Variants in CDK14 observed in about 807,000 individuals in gnomAD.
CDK14 encodes cyclin-dependent kinase 14.
A neutral mutation model predicts 60.7 loss-of-function variants in CDK14; 34 were observed. That is an observed-to-expected ratio of 0.56 (90% CI 0.43 to 0.75). The LOEUF is 0.75. CDK14 is among the 30% of genes least tolerant of loss of function. The pLI is 0.00. For synonymous variants in CDK14, 197 were observed against 203.7 expected, an observed-to-expected ratio of 0.97 and a Z score of 0.28; for missense variants, 482 against 564.1, an observed-to-expected ratio of 0.85 and a Z score of 1.47.
intron 14 of CDK14, among the ~76,000 whole-genome samples, chr7:91,134,574 A>G (rs1273208959): frequency 2.6e-5 from 4 of 152,178 alleles, no homozygotes; most frequent in South Asian, 2.1e-4. Context: ...GAAAATTTCT[A>G]TTAAGAAAAT....
intron 14 of CDK14, among the ~76,000 whole-genome samples, chr7:91,163,259 A>G (rs1030512448): frequency 6.6e-6 from 1 of 152,194 alleles, no homozygotes; most frequent in Non-Finnish European, 1.5e-5. Context: ...ATTCTGTGCT[A>G]TTCATGTCTA....
chr7:91,187,876 T>C (rs757665948), intron 14 of CDK14, among the ~76,000 whole-genome samples: 1 of 151,510 alleles, frequency 6.6e-6, no homozygotes, highest in Non-Finnish European at 1.5e-5. Context: ...TTGCCTGGCC[T>C]GCGCCATACT....
chr7:91,117,150 C>G (rs963582266), intron 13 of CDK14, among the ~76,000 whole-genome samples: 2 of 149,446 alleles, frequency 1.3e-5, no homozygotes, highest in African/African-American at 5.0e-5. Context: ...CTTGCGCCTT[C>G]TCTAGTCTTA....
At chr7:91,052,424 G>A (rs905438249) in intron 11 of CDK14, among the ~76,000 whole-genome samples, 80 of 152,264 alleles carry the variant, frequency 5.3e-4, no homozygotes, top group African/African-American at 1.9e-3. Flanking sequence ...CTGACAATTA[G>A]ACTATTTTAA....
chr7:91,125,017 T>C (rs548879049), intron 14 of CDK14, among the ~76,000 whole-genome samples: 2 of 152,204 alleles, frequency 1.3e-5, no homozygotes, highest in Non-Finnish European at 2.9e-5. Flanking sequence ...GCTGATACTC[T>C]AAGAAGTGTC....
intron 2 of CDK14, among the ~76,000 whole-genome samples, chr7:90,717,602 G>A (rs1028493012): frequency 2.0e-5 from 3 of 152,076 alleles, no homozygotes; most frequent in African/African-American, 7.2e-5. Flanking sequence ...AAACTAAATC[G>A]CAATGTTAGA....
At chr7:90,886,897 A>G (rs1433444128) in intron 6 of CDK14, among the ~76,000 whole-genome samples, 1 of 152,150 alleles carries the variant, frequency 6.6e-6, no homozygotes, top group African/African-American at 2.4e-5. Flanking sequence ...TTATCCATGG[A>G]TTGAGCAAAG....
At chr7:90,971,392 C>T (rs989572659) in intron 9 of CDK14, among the ~76,000 whole-genome samples, 5 of 152,040 alleles carry the variant, frequency 3.3e-5, no homozygotes, top group South Asian at 2.1e-4. Flanking sequence ...AGGCTTCACC[C>T]GGTGGTAATT....
chr7:90,843,778 A>G (rs916359660), intron 5 of CDK14, among the ~76,000 whole-genome samples: 1 of 152,200 alleles, frequency 6.6e-6, no homozygotes, highest in Admixed American at 6.5e-5. Context: ...AAATGCTTGT[A>G]AAGGCATGCT....
At chr7:91,171,305 G>A (rs532681110) in intron 14 of CDK14, among the ~76,000 whole-genome samples, 47 of 151,884 alleles carry the variant, frequency 3.1e-4, no homozygotes, top group Non-Finnish European at 4.7e-4. Context: ...AGCCGAGATC[G>A]CGCCACTGCA....
intron 14 of CDK14, among the ~76,000 whole-genome samples, chr7:91,178,964 A>AC (rs1801885866): frequency 6.6e-6 from 1 of 152,290 alleles, no homozygotes; most frequent in East Asian, 1.9e-4. Flanking sequence ...CTGGGTATAT[A>AC]CCAAAGGACT....
In CDK14 at chr7:90,950,638, G is replaced by C. The variant is rs557037824; in HGVS notation, c.827-5059G>C. Among the ~76,000 whole-genome samples the C allele has an allele frequency of 7.9e-5, 12 of 152,330 alleles. No individual in the cohort carries two copies. The South Asian group carries it at 2.5e-3, about 32-fold the overall frequency. Reference sequence around the variant, plus strand: ...GTGTAGCAGTCAGCTGGAGACGCTAGAGGATGTAGTACTGGTTAGAAAATT... The same window carrying C: ...GTGTAGCAGTCAGCTGGAGACGCTACAGGATGTAGTACTGGTTAGAAAATT... On this transcript the variant is annotated intron_variant, in intron 8 of 14. Transcript: ENST00000380050.
At chr7:91,158,206 A>G (rs529732702) in intron 14 of CDK14, among the ~76,000 whole-genome samples, 4 of 148,966 alleles carry the variant, frequency 2.7e-5, no homozygotes, top group South Asian at 4.2e-4. Flanking sequence ...AATATATTAT[A>G]TGTTTGGCAA....
intron 13 of CDK14, among the ~76,000 whole-genome samples, chr7:91,114,372 A>G (rs1799550588): frequency 6.6e-6 from 1 of 152,224 alleles, no homozygotes; most frequent in South Asian, 2.1e-4. Context: ...GCAGACTGCC[A>G]AGGGAGACAG....
intron 5 of CDK14, among the ~76,000 whole-genome samples, chr7:90,858,324 G>A (rs1243619767): frequency 6.6e-6 from 1 of 152,180 alleles, no homozygotes; most frequent in African/African-American, 2.4e-5. Context: ...ACTTTGAGAA[G>A]TGAGAAACAA....
intron 6 of CDK14, among the ~76,000 whole-genome samples, chr7:90,876,337 A>G (rs983563213): frequency 6.1e-4 from 93 of 152,070 alleles, no homozygotes; most frequent in African/African-American, 2.2e-3. Flanking sequence ...CGCTGTCCCT[A>G]ACTGGTTGGA....
intron 7 of CDK14, among the ~76,000 whole-genome samples, chr7:90,908,555 C>T (rs568704173): frequency 3.3e-5 from 5 of 149,894 alleles, no homozygotes; most frequent in Non-Finnish European, 5.9e-5. Flanking sequence ...GCTTTACACT[C>T]GTCACCTTGC....
At chr7:91,173,795 C>T (rs866238733) in intron 14 of CDK14, among the ~76,000 whole-genome samples, 9 of 152,146 alleles carry the variant, frequency 5.9e-5, no homozygotes, top group Non-Finnish European at 8.8e-5. Context: ...GCACCTGGCT[C>T]GGAGGGTCCT....
chr7:90,818,720 T>C (rs995946516), intron 5 of CDK14, among the ~76,000 whole-genome samples: 1 of 152,194 alleles, frequency 6.6e-6, no homozygotes, highest in Non-Finnish European at 1.5e-5. Context: ...ATGTATGTTA[T>C]GGAAAAATTA....
Sources: allele counts gnomAD v4.1 joint callset (sites outside exome capture counted in the v4.1 genomes callset), GRCh38; gene constraint gnomAD v4.1.1; transcripts MANE v1.5; gene names NCBI Gene and HGNC (gene_info 2026-07-23, HGNC 2026-07-21).